Variants in DISC1 observed in about 807,000 individuals in gnomAD.
DISC1 encodes the protein disrupted in schizophrenia 1 protein.
DISC1 carries 57 observed loss-of-function variants against 84.5 expected under a neutral mutation model. The ratio of observed to expected loss-of-function variants is 0.67; its 90% CI spans 0.55 to 0.84. The LOEUF (loss-of-function observed/expected upper bound fraction) is 0.84. Among genes scored for constraint, DISC1 ranks in the 40% least tolerant of loss-of-function variants. The probability of loss-of-function intolerance (pLI) is 0.00; values close to 1 mark genes in which losing one functional copy is unlikely to be tolerated. For synonymous variants in DISC1, 411 were observed against 415.2 expected, an observed-to-expected ratio of 0.99 and a Z score of 0.12; for missense variants, 1,000 against 1,057.8, an observed-to-expected ratio of 0.95 and a Z score of 0.76.
intron 11 of DISC1, among the ~76,000 whole-genome samples, chr1:232,021,250 C>A (rs968644515): frequency 6.6e-6 from 1 of 151,884 alleles, no homozygotes; most frequent in African/African-American, 2.4e-5. Context: ...CCCTGTGGGT[C>A]GTATTGCACT....
In DISC1 at chr1:231,806,276, C is replaced by T. The variant is rs79090449; in HGVS notation, c.1792+6066C>T. On this transcript the variant is annotated intron_variant, in intron 8 of 12. Coordinates refer to ENST00000439617, the MANE Select transcript of DISC1 (RefSeq NM_018662.3). ...AGGTGTCACTCAGTGCTACAGGTTC[C>T]CGGCCAGTGTACCTGTAGTAAAAGG... Among the ~76,000 whole-genome samples the T allele has an allele frequency of 6.9e-3, 1,055 of 152,308 alleles. 12 individuals are homozygous for T. The highest frequency in any genetic ancestry group is 0.024 in the African/African-American group (989 of 41,568).
intron 1 of DISC1, among the ~76,000 whole-genome samples, chr1:231,690,031 C>T (rs878964175): frequency 6.6e-6 from 1 of 152,142 alleles, no homozygotes; most frequent in Admixed American, 6.5e-5. Context: ...TCTTGCTGAT[C>T]CGGCTGGTTA....
Position 231,789,562 on chromosome 1 carries a change from G to A in DISC1, c.1635-5680G>A, listed in dbSNP as rs114509180. Among the ~76,000 whole-genome samples the A allele has an allele frequency of 5.1e-3, 776 of 152,276 alleles. 3 individuals are homozygous for A. The highest frequency in any genetic ancestry group is 0.018 in the South Asian group (86 of 4,828). On this transcript the variant is annotated intron_variant, in intron 6 of 12. Transcript: ENST00000439617. ...GCAGCATTTCAGAGGAGAGGTGCCC[G>A]TGGCTTGGAGCAGAGTGGTAGAAGT...
At chr1:231,809,513 CTTT>C (rs1198274417) in intron 8 of DISC1, among the ~76,000 whole-genome samples, 2 of 107,634 alleles carry the variant, frequency 1.9e-5, no homozygotes, top group East Asian at 5.1e-4. Flanking sequence ...CTCCAAAAGC[CTTT>C]TTTTTTTGAA....
At chr1:231,982,182 G>A (rs1035291010) in intron 10 of DISC1, among the ~76,000 whole-genome samples, 1 of 152,118 alleles carries the variant, frequency 6.6e-6, no homozygotes, top group Non-Finnish European at 1.5e-5. Context: ...CTGAATGTGG[G>A]AAATAACAGA....
intron 3 of DISC1, among the ~76,000 whole-genome samples, chr1:231,713,680 GATAT>G (rs1200959736): frequency 4.1e-5 from 5 of 120,804 alleles, no homozygotes; most frequent in East Asian, 2.3e-4. Context: ...TCATGAAGCA[GATAT>G]ATATATATAT....
At chr1:231,723,773 G>A in intron 3 of DISC1, 1 of 985,426 alleles carries the variant, frequency 1.0e-6, no homozygotes, top group Middle Eastern at 5.2e-4. Context: ...GGTGAGGAAA[G>A]GCAAGAACCG....
chr1:231,646,968 T>G (rs2060189717), intron 1 of DISC1, among the ~76,000 whole-genome samples: 1 of 152,208 alleles, frequency 6.6e-6, no homozygotes, highest in African/African-American at 2.4e-5. Flanking sequence ...TATTAGCCCT[T>G]TGTCAGATGG....
chr1:231,969,697 C>T lies in DISC1; in HGVS notation c.2042+10809C>T, dbSNP rs1328089693. On this transcript the variant is annotated intron_variant, in intron 10 of 12. Coordinates refer to ENST00000439617, the MANE Select transcript of DISC1 (RefSeq NM_018662.3). ...CCAGTGCCATGTTGGTGTGCTGCACCCATTAACTCGTCATTTACATTAGGT... is the reference window on the plus strand; with the variant it reads ...CCAGTGCCATGTTGGTGTGCTGCACTCATTAACTCGTCATTTACATTAGGT... Among the ~76,000 whole-genome samples, 6 of 151,392 alleles carry T rather than the reference C, an allele frequency of 4.0e-5. 1 individual carries two copies. Among genetic ancestry groups the T allele is most frequent in the African/African-American group, 1.5e-4 (6 of 41,176 alleles).
At chr1:231,857,915 C>A (rs2084378595) in intron 9 of DISC1, among the ~76,000 whole-genome samples, 2 of 152,184 alleles carry the variant, frequency 1.3e-5, no homozygotes, top group South Asian at 4.1e-4. Flanking sequence ...GCCACCACCC[C>A]ACCTTGAAGT....
chr1:232,005,038 C>CCCCG (rs1667232639), intron 10 of DISC1, among the ~76,000 whole-genome samples: 1 of 104,004 alleles, frequency 9.6e-6, no homozygotes, highest in Non-Finnish European at 1.9e-5. Flanking sequence ...CACTCCCTCC[C>CCCCG]TCCATCCTTC....
chr1:231,738,037 A>G (rs987035898), intron 3 of DISC1, among the ~76,000 whole-genome samples: 1 of 151,860 alleles, frequency 6.6e-6, no homozygotes, highest in African/African-American at 2.4e-5. Flanking sequence ...TTTTGTAGAG[A>G]TGGGGTTTTG....
chr1:231,783,198 T>TAG (rs1453010121), intron 6 of DISC1, among the ~76,000 whole-genome samples: 1 of 152,158 alleles, frequency 6.6e-6, no homozygotes, highest in Non-Finnish European at 1.5e-5. Flanking sequence ...GGGAAAGCTC[T>TAG]AGAGCCCAAG....
intron 10 of DISC1, among the ~76,000 whole-genome samples, chr1:232,005,576 G>C (rs1667318785): frequency 6.6e-6 from 1 of 152,130 alleles, no homozygotes; most frequent in African/African-American, 2.4e-5. Flanking sequence ...TGTGTGGTTT[G>C]ATGTTCTTTG....
chr1:231,997,665 A>C (rs72762355), intron 10 of DISC1, among the ~76,000 whole-genome samples: 10,757 of 152,106 alleles, frequency 0.071, 534 homozygotes, highest in East Asian at 0.24. Context: ...GGATTTCAGC[A>C]TCTCCATCCT....
At chr1:231,795,626 C>T (rs564704611) in intron 7 of DISC1, among the ~76,000 whole-genome samples, 3 of 152,182 alleles carry the variant, frequency 2.0e-5, no homozygotes, top group East Asian at 1.9e-4. Flanking sequence ...CGGTGGCTCA[C>T]GCCTGTAATC....
At chr1:231,909,306 T>G (rs567768658) in intron 9 of DISC1, among the ~76,000 whole-genome samples, 1 of 152,182 alleles carries the variant, frequency 6.6e-6, no homozygotes, top group Non-Finnish European at 1.5e-5. Context: ...TGGCTGTGGG[T>G]TTGTCATAAA....
At chr1:231,881,031 G>A (rs73094886) in intron 9 of DISC1, among the ~76,000 whole-genome samples, 6,145 of 152,164 alleles carry the variant, frequency 0.04, 439 homozygotes, top group African/African-American at 0.14. Context: ...CATGATTAGC[G>A]CCGAGTGTGC....
chr1:231,748,949 A>G (rs1395301124), intron 3 of DISC1, among the ~76,000 whole-genome samples: 1 of 152,180 alleles, frequency 6.6e-6, no homozygotes, highest in African/African-American at 2.4e-5. Context: ...AAGAACTGTG[A>G]GATTCTCCTT....
Sources: allele counts gnomAD v4.1 joint callset (sites outside exome capture counted in the v4.1 genomes callset), GRCh38; gene constraint gnomAD v4.1.1; transcripts MANE v1.5; gene names NCBI Gene and HGNC (gene_info 2026-07-23, HGNC 2026-07-21).